The following RIC1 variants were observed in gnomAD, a reference collection of about 807,000 sequenced individuals.
The protein encoded by RIC1 is RIC1 partner of RAB6A GEF complex.
Under a neutral mutation model 169.0 loss-of-function variants are expected in RIC1, and 88 were observed. That is an observed-to-expected ratio of 0.52 (90% CI 0.44 to 0.62). The LOEUF is 0.62. RIC1 is among the 20% of genes least tolerant of loss of function. RIC1 has a pLI of 0.00. For missense variants in RIC1, 1,877 were observed against 1,725.5 expected (o/e 1.09, Z -1.56); for synonymous variants, 790 against 601.5 (o/e 1.31, Z -4.59).
At chr9:5,681,034 G>A (rs1373124897) in intron 2 of RIC1, among the ~76,000 whole-genome samples, 1 of 151,078 alleles carries the variant, frequency 6.6e-6, no homozygotes, top group Non-Finnish European at 1.5e-5. Context: ...CACCTTGTTA[G>A]CCAGGATGGT....
intron 1 of RIC1, among the ~76,000 whole-genome samples, chr9:5,636,279 T>G (rs1053869925): frequency 1.3e-5 from 2 of 152,144 alleles, no homozygotes; most frequent in Admixed American, 1.3e-4. Context: ...TTCTAAGTAT[T>G]TAGTTTTTTG....
intron 21 of RIC1, among the ~76,000 whole-genome samples, chr9:5,766,157 T>C (rs920198892): frequency 3.9e-5 from 6 of 152,182 alleles, no homozygotes; most frequent in African/African-American, 1.4e-4. Flanking sequence ...TTATCCTGCC[T>C]CAGCCACCCA....
chr9:5,664,461 G>A (rs1440210233), intron 2 of RIC1, among the ~76,000 whole-genome samples: 3 of 151,846 alleles, frequency 2.0e-5, no homozygotes, highest in African/African-American at 7.3e-5. Context: ...TGGCTTTTAG[G>A]GTTTTCACTG....
chr9:5,766,576 A>C (rs149502173), intron 21 of RIC1, among the ~76,000 whole-genome samples: 2 of 152,110 alleles, frequency 1.3e-5, no homozygotes, highest in Middle Eastern at 3.2e-3. Flanking sequence ...TAGCTCCCAC[A>C]TATCAGTGAG....
At chr9:5,711,012 T>C (rs1049051092) in intron 3 of RIC1, among the ~76,000 whole-genome samples, 12 of 152,122 alleles carry the variant, frequency 7.9e-5, no homozygotes, top group Admixed American at 7.2e-4. Flanking sequence ...AAACAAAACA[T>C]GTAAATTTCC....
intron 4 of RIC1, among the ~76,000 whole-genome samples, chr9:5,715,039 G>A (rs1823148415): frequency 6.6e-6 from 1 of 152,192 alleles, no homozygotes; most frequent in Admixed American, 6.5e-5. Flanking sequence ...GTCTTGCCTT[G>A]TTTGGTCCAT....
At chr9:5,656,932 G>T (rs990907817) in intron 2 of RIC1, among the ~76,000 whole-genome samples, 3 of 152,024 alleles carry the variant, frequency 2.0e-5, no homozygotes, top group Non-Finnish European at 4.4e-5. Flanking sequence ...ATCCTTTTCT[G>T]TTTGTTGTTC....
At position 5,649,865 on chromosome 9, in the gene RIC1, G is replaced by A. The variant is rs149403000; in HGVS notation, c.145-6718G>A. Reference sequence around the variant, plus strand: ...TAGACTTTTTCCTGAAGATCTATCCGTGGTGTTGGTTGGGTAGGGCACCTT... The same window carrying A: ...TAGACTTTTTCCTGAAGATCTATCCATGGTGTTGGTTGGGTAGGGCACCTT... On this transcript the variant is annotated intron_variant, in intron 1 of 25. Coordinates refer to ENST00000414202, the MANE Select transcript of RIC1 (RefSeq NM_020829.4). Among the ~76,000 whole-genome samples, 600 of 152,050 alleles carry A rather than the reference G, an allele frequency of 3.9e-3. 1 individual carries two copies. The highest frequency in any genetic ancestry group is 0.014 in the African/African-American group (583 of 41,474).
chr9:5,749,764 C>CTTTT (rs769556596), intron 12 of RIC1, among the ~76,000 whole-genome samples: 7 of 36,328 alleles, frequency 1.9e-4, no homozygotes, highest in East Asian at 1.4e-3. Flanking sequence ...AAAGGCGGTG[C>CTTTT]TTTTTTTTTT....
At chr9:5,644,811 GTT>G (rs1389901665) in intron 1 of RIC1, among the ~76,000 whole-genome samples, 3 of 152,060 alleles carry the variant, frequency 2.0e-5, no homozygotes, top group Non-Finnish European at 4.4e-5. Flanking sequence ...CATATGGCAA[GTT>G]TAACTTATTG....
chr9:5,743,004 G>A lies in RIC1; in HGVS notation c.1037G>A (p.Gly346Glu), dbSNP rs1825169780. ...FGAQLICTLG[G>E]DFAYRSDGTK... ...GCACAGCTGATTTGTACACTTGGAG[G>A]AGATTTTGCGTAAGTCAAAAAAGAC... Residue 346 changes from glycine to glutamate, a missense_variant, in exon 9 of 26, where the codon GGA becomes GAA. This residue lies in a region of RIC1 where 1,104 missense variants were observed against 992.0 expected (regional missense o/e 1.11). Transcript: ENST00000414202. The A allele has an allele frequency of 6.2e-7, 1 of 1,604,998 alleles. No individual in the cohort carries two copies. The highest frequency in any genetic ancestry group is 1.3e-5 in the African/African-American group (1 of 74,406).
chr9:5,649,839 G>T (rs1326849718), intron 1 of RIC1, among the ~76,000 whole-genome samples: 1 of 151,970 alleles, frequency 6.6e-6, no homozygotes, highest in Non-Finnish European at 1.5e-5. Context: ...TTTCAGAGAG[G>T]TAGACTTTTT....
intron 22 of RIC1, chr9:5,769,584 A>G (rs1827057638): frequency 5.8e-6 from 4 of 685,046 alleles, no homozygotes; most frequent in Non-Finnish European, 8.7e-6. Flanking sequence ...TCAGATAGAC[A>G]TGGACCTCAA....
rs1362900801 is a variant in RIC1 at position 5,763,457 on chromosome 9, G to A, written c.2430G>A (p.Gln810=). 1 of 1,614,066 alleles carries A rather than the reference G, an allele frequency of 6.2e-7. No individual in the cohort carries two copies. Among genetic ancestry groups the A allele is most frequent in the African/African-American group, 1.3e-5 (1 of 74,924 alleles). Residue 810 remains glutamine, a synonymous_variant, in exon 19 of 26, where the codon CAG becomes CAA. Transcript: ENST00000414202. This position sits in a 1 kb window ranked among gnomAD's most constrained non-coding sequence, Gnocchi z 5.2. The part of the protein sequence containing the change: ...SLYTRNNARE[Q]LEVLFPFCVV... The stretch of plus-strand genomic sequence containing the variant: ...ATACTCGGAACAATGCTAGAGAACA[G>A]CTGGAGGTGCTCTTCCCTTTCTGTG...
chr9:5,731,338 T>C (rs2130921241), intron 6 of RIC1, among the ~76,000 whole-genome samples: 1 of 152,200 alleles, frequency 6.6e-6, no homozygotes, highest in South Asian at 2.1e-4. Flanking sequence ...ATTTGTGACA[T>C]AAAATGTCCA....
At chr9:5,702,601 C>T (rs1822298216) in intron 3 of RIC1, among the ~76,000 whole-genome samples, 1 of 152,094 alleles carries the variant, frequency 6.6e-6, no homozygotes, top group African/African-American at 2.4e-5. Context: ...TGCAGTGGCA[C>T]CATCTCGGCT....
At chr9:5,704,577 C>T (rs1822443139) in intron 3 of RIC1, among the ~76,000 whole-genome samples, 1 of 152,098 alleles carries the variant, frequency 6.6e-6, no homozygotes, top group Non-Finnish European at 1.5e-5. Flanking sequence ...ATTCTGGATA[C>T]TACATCCTTT....
intron 3 of RIC1, among the ~76,000 whole-genome samples, chr9:5,700,918 A>G (rs1011449752): frequency 1.3e-5 from 2 of 152,212 alleles, no homozygotes; most frequent in Admixed American, 6.5e-5. Context: ...TCAAATAAGT[A>G]TAATTTCCTA....
intron 1 of RIC1, among the ~76,000 whole-genome samples, chr9:5,654,102 CA>C (rs991796647): frequency 1.3e-5 from 2 of 152,156 alleles, no homozygotes; most frequent in African/African-American, 4.8e-5. Context: ...CAGGCTCGAG[CA>C]ATCTCCCACT....
Sources: allele counts gnomAD v4.1 joint callset (sites outside exome capture counted in the v4.1 genomes callset), GRCh38; gene constraint gnomAD v4.1.1; regional missense constraint gnomAD v4.1.1; non-coding constraint Gnocchi (gnomAD v3.1); transcripts MANE v1.5; gene names NCBI Gene and HGNC (gene_info 2026-07-23, HGNC 2026-07-21).